ACYP2: variants seen among roughly 807,000 people sequenced by gnomAD.
ACYP2 encodes the protein acylphosphatase 2, also known as acylphosphatase-2.
A neutral mutation model predicts 11.2 loss-of-function variants in ACYP2; 12 were observed. That is an observed-to-expected ratio of 1.08 (90% confidence interval 0.69 to 1.74). The LOEUF is 1.74. Among genes scored for constraint, ACYP2 ranks in the 40% most tolerant of loss-of-function variants. The pLI, the probability that ACYP2 is intolerant of heterozygous loss-of-function variation, is 0.00. For missense variants in ACYP2, 134 were observed against 101.9 expected (o/e 1.31, Z -1.35); for synonymous variants, 43 against 32.2 (o/e 1.33, Z -1.13).
At position 54,178,002 on chromosome 2, in the gene ACYP2, T is replaced by G. The variant is rs542368168; in HGVS notation, c.404+39254T>G. Among the ~76,000 whole-genome samples, 16 of 151,536 alleles carry G rather than the reference T, an allele frequency of 1.1e-4. No homozygotes were observed. In the East Asian group the frequency reaches 3.1e-3, roughly 30 times the overall value. On this transcript the variant is annotated intron_variant, in intron 6 of 6. Transcript: ENST00000607452. ...TCACTGCAAACTCTACCTCCCAGATTCAAGCAATTCTCCTGCCTTAGCCTC... is the reference window on the plus strand; with the variant it reads ...TCACTGCAAACTCTACCTCCCAGATGCAAGCAATTCTCCTGCCTTAGCCTC...
intron 6 of ACYP2, among the ~76,000 whole-genome samples, chr2:54,304,381 T>G (rs1296899915): frequency 8.5e-5 from 13 of 152,138 alleles, no homozygotes; most frequent in Admixed American, 8.5e-4. Context: ...GTTTTGAGTA[T>G]AAGAGCCAGG....
At chr2:54,168,034 A>C (rs1572881707) in intron 6 of ACYP2, among the ~76,000 whole-genome samples, 1 of 152,202 alleles carries the variant, frequency 6.6e-6, no homozygotes, top group South Asian at 2.1e-4. Context: ...CATTTTTTAT[A>C]AAAATTGCTT....
At chr2:54,102,934 G>A (rs1239073472) in intron 4 of ACYP2, among the ~76,000 whole-genome samples, 1 of 152,130 alleles carries the variant, frequency 6.6e-6, no homozygotes, top group East Asian at 1.9e-4. Context: ...TTCTGAGGAA[G>A]GAAGACTTTG....
intron 2 of ACYP2, among the ~76,000 whole-genome samples, chr2:54,036,877 T>C (rs1674928892): frequency 6.6e-6 from 1 of 152,200 alleles, no homozygotes; most frequent in Non-Finnish European, 1.5e-5. Context: ...GGTGCTCTGT[T>C]ACCTCCTGCG....
intron 4 of ACYP2, among the ~76,000 whole-genome samples, chr2:54,070,738 T>TC (rs1676991583): frequency 1.3e-5 from 2 of 151,980 alleles, no homozygotes; most frequent in East Asian, 1.9e-4. Context: ...TTCCATTTTT[T>TC]TTTTTTTTTT....
At chr2:54,081,826 G>C (rs530956339) in intron 4 of ACYP2, among the ~76,000 whole-genome samples, 16 of 152,314 alleles carry the variant, frequency 1.1e-4, no homozygotes, top group African/African-American at 3.6e-4. Flanking sequence ...CTGGAGGGGT[G>C]ACTGGCCACA....
At chr2:53,990,187 C>T (rs1215085530) in intron 2 of ACYP2, among the ~76,000 whole-genome samples, 1 of 151,874 alleles carries the variant, frequency 6.6e-6, no homozygotes, top group Non-Finnish European at 1.5e-5. Flanking sequence ...CCATGTTGGT[C>T]AGGCTGGTTT....
At chr2:54,244,182 A>T (rs1327691501) in intron 6 of ACYP2, among the ~76,000 whole-genome samples, 2 of 151,898 alleles carry the variant, frequency 1.3e-5, no homozygotes, top group African/African-American at 2.4e-5. Flanking sequence ...TTCCTCACTG[A>T]TTTAACTTAT....
chr2:54,215,028 C>T (rs1473283152), intron 6 of ACYP2, among the ~76,000 whole-genome samples: 1 of 152,108 alleles, frequency 6.6e-6, no homozygotes, highest in East Asian at 1.9e-4. Flanking sequence ...AATAGAACTG[C>T]AATTTTGGTT....
At chr2:54,116,351 G>T (rs907983081) in intron 4 of ACYP2, among the ~76,000 whole-genome samples, 24 of 151,948 alleles carry the variant, frequency 1.6e-4, no homozygotes, top group African/African-American at 5.6e-4. Flanking sequence ...TTTATGCAAT[G>T]GAATATAAAT....
intron 6 of ACYP2, among the ~76,000 whole-genome samples, chr2:54,251,093 T>G (rs1284093397): frequency 6.6e-6 from 1 of 152,198 alleles, no homozygotes; most frequent in African/African-American, 2.4e-5. Flanking sequence ...CATGAGCCAT[T>G]ATTAAAGAGG....
At chr2:54,040,205 G>C (rs1243135884) in intron 2 of ACYP2, among the ~76,000 whole-genome samples, 1 of 152,112 alleles carries the variant, frequency 6.6e-6, no homozygotes, top group African/African-American at 2.4e-5. Flanking sequence ...TCAGATGTGA[G>C]GTGTGAGAGG....
intron 2 of ACYP2, among the ~76,000 whole-genome samples, chr2:54,040,720 T>C (rs1675177213): frequency 6.6e-6 from 1 of 152,194 alleles, no homozygotes; most frequent in African/African-American, 2.4e-5. Context: ...AATTAAGGCT[T>C]GGCTGTTGGA....
chr2:54,219,849 G>A (rs1468745243), intron 6 of ACYP2, among the ~76,000 whole-genome samples: 36 of 103,322 alleles, frequency 3.5e-4, no homozygotes, highest in African/African-American at 1.2e-3. Flanking sequence ...GTATGTGTGT[G>A]TATATAGATG....
At chr2:54,011,185 A>T (rs949465248) in intron 2 of ACYP2, among the ~76,000 whole-genome samples, 3 of 152,222 alleles carry the variant, frequency 2.0e-5, no homozygotes, top group Non-Finnish European at 4.4e-5. Flanking sequence ...ATCAGTTATA[A>T]GAATACACAG....
intron 6 of ACYP2, chr2:54,255,373 G>A (rs1415718298): frequency 1.2e-6 from 2 of 1,614,014 alleles, no homozygotes; most frequent in Non-Finnish European, 8.5e-7. Flanking sequence ...AGACAGCTGT[G>A]GGTGGTGGCG....
intron 4 of ACYP2, among the ~76,000 whole-genome samples, chr2:54,061,514 A>G (rs1408411759): frequency 6.6e-6 from 1 of 152,202 alleles, no homozygotes; most frequent in African/African-American, 2.4e-5. Context: ...GGTGAACCTT[A>G]GAGGGCTGGT....
intron 6 of ACYP2, among the ~76,000 whole-genome samples, chr2:54,269,996 A>G (rs910042779): frequency 6.6e-6 from 1 of 152,182 alleles, no homozygotes; most frequent in African/African-American, 2.4e-5. Context: ...ATATCCTTCC[A>G]AGAATTTATT....
chr2:54,292,463 C>A (rs1464813251), intron 6 of ACYP2, among the ~76,000 whole-genome samples: 2 of 151,998 alleles, frequency 1.3e-5, no homozygotes, highest in African/African-American at 2.4e-5. Flanking sequence ...ATAATTATAT[C>A]TTGGATAGAG....
Sources: allele counts gnomAD v4.1 joint callset (sites outside exome capture counted in the v4.1 genomes callset), GRCh38; gene constraint gnomAD v4.1.1; transcripts MANE v1.5; gene names NCBI Gene and HGNC (gene_info 2026-07-23, HGNC 2026-07-21).